The following C13orf42 variants were observed in gnomAD, a reference collection of about 807,000 sequenced individuals.
C13orf42 encodes the protein uncharacterized protein C13orf42.
At chr13:51,170,803 T>C (rs941434850) in intron 1 of C13orf42, among the ~76,000 whole-genome samples, 14 of 151,378 alleles carry the variant, frequency 9.2e-5, no homozygotes, top group South Asian at 4.2e-4. Flanking sequence ...GGGGCAAGTA[T>C]CCCTCAACCC....
intron 1 of C13orf42, among the ~76,000 whole-genome samples, chr13:51,155,459 G>A (rs1953817334): frequency 6.6e-6 from 1 of 152,198 alleles, no homozygotes; most frequent in Non-Finnish European, 1.5e-5. Context: ...CAGTCCAGGT[G>A]TATTTGTGTG....
At chr13:51,142,228 T>C (rs757620020) in intron 1 of C13orf42, among the ~76,000 whole-genome samples, 5 of 152,256 alleles carry the variant, frequency 3.3e-5, no homozygotes, top group Admixed American at 6.5e-5. Context: ...AGAACTGTTA[T>C]CACCTTTGTG....
At chr13:51,167,523 T>C (rs1249517263) in intron 1 of C13orf42, among the ~76,000 whole-genome samples, 1 of 152,188 alleles carries the variant, frequency 6.6e-6, no homozygotes, top group Non-Finnish European at 1.5e-5. Context: ...ATTGAAAACC[T>C]GGACCTTACC....
intron 1 of C13orf42, among the ~76,000 whole-genome samples, chr13:51,133,123 T>C (rs1054559033): frequency 1.3e-5 from 2 of 152,128 alleles, no homozygotes; most frequent in Non-Finnish European, 2.9e-5. Context: ...GTCTGTGGAG[T>C]AGCCATTCCT....
chr13:51,160,963 GAA>G (rs78703300), intron 1 of C13orf42, among the ~76,000 whole-genome samples: 9 of 105,038 alleles, frequency 8.6e-5, no homozygotes, highest in African/African-American at 1.2e-4. Flanking sequence ...TTGGAAACAA[GAA>G]AAAAAAAAAA....
intron 1 of C13orf42, among the ~76,000 whole-genome samples, chr13:51,127,604 T>C (rs1409385865): frequency 6.6e-6 from 1 of 152,230 alleles, no homozygotes; most frequent in African/African-American, 2.4e-5. Flanking sequence ...CCATGAAATC[T>C]AGGTGGTGGG....
At chr13:51,131,232 T>A (rs1038016479) in intron 1 of C13orf42, among the ~76,000 whole-genome samples, 6 of 152,210 alleles carry the variant, frequency 3.9e-5, no homozygotes, top group Admixed American at 3.9e-4. Flanking sequence ...ACCTGATTCC[T>A]CCAGAATTTG....
chr13:51,127,283 G>T (rs1370167951), intron 1 of C13orf42, among the ~76,000 whole-genome samples: 1 of 152,212 alleles, frequency 6.6e-6, no homozygotes, highest in Non-Finnish European at 1.5e-5. Flanking sequence ...ACCAGCCTCA[G>T]TCTAGGCAAT....
At chr13:51,120,675 A>G (rs1217214345) in intron 1 of C13orf42, among the ~76,000 whole-genome samples, 1 of 152,188 alleles carries the variant, frequency 6.6e-6, no homozygotes, top group Non-Finnish European at 1.5e-5. Context: ...CGGTTCTGTC[A>G]GTCATTGCTG....
rs957138334 is a variant in C13orf42, at chr13:51,083,410, AT to A, written c.*740del. 6.6e-6 allele frequency: 1 copy of A among 152,150 alleles called. No homozygotes were observed. Among genetic ancestry groups the A allele is most frequent in the Non-Finnish European group, 1.5e-5 (1 of 68,034 alleles). 9.4% of individuals were successfully genotyped at this position (152,150 alleles called of 1,614,324 possible). A position where few individuals can be genotyped will look rare whatever the true frequency, so the allele number is the denominator to read the frequency against. On this transcript the variant is annotated 3_prime_UTR_variant, in exon 4 of 4. Transcript: ENST00000563710. ...ACTGGTTCCATGGATATTTAAAAAG[AT>A]TTTTCTGGGTAAGAATTAGAAGAAA...
intron 1 of C13orf42, among the ~76,000 whole-genome samples, chr13:51,169,134 C>T (rs1953925419): frequency 6.6e-6 from 1 of 152,162 alleles, no homozygotes; most frequent in African/African-American, 2.4e-5. Context: ...AACATTGGAA[C>T]TTGGTTTAAC....
intron 1 of C13orf42, among the ~76,000 whole-genome samples, chr13:51,130,991 A>T (rs752838485): frequency 6.6e-6 from 1 of 152,260 alleles, no homozygotes; most frequent in Non-Finnish European, 1.5e-5. Flanking sequence ...TTTGTGAACA[A>T]TTAATTGTAA....
chr13:51,134,696 C>G (rs984539911), intron 1 of C13orf42, among the ~76,000 whole-genome samples: 1 of 152,168 alleles, frequency 6.6e-6, no homozygotes, highest in Non-Finnish European at 1.5e-5. Context: ...CATTCTCTAC[C>G]CCAGAGCAAT....
At chr13:51,136,713 G>C (rs1953660779) in intron 1 of C13orf42, among the ~76,000 whole-genome samples, 1 of 152,178 alleles carries the variant, frequency 6.6e-6, no homozygotes, top group Non-Finnish European at 1.5e-5. Context: ...CCCCAGCCCT[G>C]AAGAAGGAAA....
chr13:51,100,298 A>G (rs1953275881), intron 1 of C13orf42, among the ~76,000 whole-genome samples: 1 of 152,206 alleles, frequency 6.6e-6, no homozygotes, highest in African/African-American at 2.4e-5. Context: ...AATTGAAGAC[A>G]CAAAAATAAG....
intron 1 of C13orf42, among the ~76,000 whole-genome samples, chr13:51,102,518 G>A (rs1359061508): frequency 1.3e-5 from 2 of 152,134 alleles, no homozygotes; most frequent in African/African-American, 4.8e-5. Context: ...CTTTTGACAG[G>A]TATTCTTCGG....
intron 1 of C13orf42, among the ~76,000 whole-genome samples, chr13:51,171,593 C>T (rs568926895): frequency 2.0e-5 from 3 of 152,262 alleles, no homozygotes; most frequent in South Asian, 2.1e-4. Context: ...TCAGCCTCTG[C>T]TCCTCCACCC....
chr13:51,086,815 G>C (rs1953132753), intron 2 of C13orf42, among the ~76,000 whole-genome samples: 1 of 152,076 alleles, frequency 6.6e-6, no homozygotes, highest in African/African-American at 2.4e-5. Flanking sequence ...CCAGGGGCAG[G>C]GCTGCTGTCT....
intron 1 of C13orf42, among the ~76,000 whole-genome samples, chr13:51,092,449 A>C (rs1953189781): frequency 6.6e-6 from 1 of 152,160 alleles, no homozygotes; most frequent in East Asian, 1.9e-4. Context: ...GTTTATTTAA[A>C]GTGATCTAGG....
Sources: allele counts gnomAD v4.1 joint callset (sites outside exome capture counted in the v4.1 genomes callset), GRCh38; gene constraint gnomAD v4.1.1; transcripts MANE v1.5; gene names NCBI Gene and HGNC (gene_info 2026-07-23, HGNC 2026-07-21).